The following SNX29 variants were observed in gnomAD, a reference collection of about 807,000 sequenced individuals.
The protein encoded by SNX29 is sorting nexin-29.
SNX29 carries 78 observed loss-of-function variants against 102.1 expected under a neutral mutation model. The observed-to-expected ratio is 0.76, with a 90% CI of 0.64 to 0.92. SNX29 has a LOEUF of 0.92. SNX29 is among the 40% of genes least tolerant of loss of function. The probability of loss-of-function intolerance (pLI) is 0.00; values close to 1 mark genes in which losing one functional copy is unlikely to be tolerated. For missense variants in SNX29, 1,280 were observed against 1,061.7 expected, an observed-to-expected ratio of 1.21 and a Z score of -2.86; for synonymous variants, 580 against 414.5, an observed-to-expected ratio of 1.40 and a Z score of -4.85.
chr16:12,300,649 T>C (rs2080139111), intron 15 of SNX29, among the ~76,000 whole-genome samples: 1 of 152,212 alleles, frequency 6.6e-6, no homozygotes, highest in Non-Finnish European at 1.5e-5. Flanking sequence ...AAAAACCAGA[T>C]GCATACTTGT....
intron 11 of SNX29, among the ~76,000 whole-genome samples, chr16:12,121,964 C>T (rs1378468884): frequency 6.6e-6 from 1 of 152,080 alleles, no homozygotes; most frequent in African/African-American, 2.4e-5. Flanking sequence ...TACAGGCACG[C>T]ACCATCACGC....
At chr16:12,276,670 T>C (rs2079261748) in intron 14 of SNX29, among the ~76,000 whole-genome samples, 1 of 152,210 alleles carries the variant, frequency 6.6e-6, no homozygotes, top group African/African-American at 2.4e-5. Flanking sequence ...TAATCCACAT[T>C]CTTAAACATG....
At chr16:12,240,703 G>A (rs1023050041) in intron 14 of SNX29, among the ~76,000 whole-genome samples, 1 of 146,486 alleles carries the variant, frequency 6.8e-6, no homozygotes, top group Non-Finnish European at 1.5e-5. Context: ...AGGTTCAGGT[G>A]ATCCTCCCTC....
intron 11 of SNX29, among the ~76,000 whole-genome samples, chr16:12,094,250 C>G (rs1414358224): frequency 6.6e-6 from 1 of 152,074 alleles, no homozygotes; most frequent in Non-Finnish European, 1.5e-5. Context: ...GTGTTATATG[C>G]TATGTAAATT....
At chr16:12,489,495 T>C (rs1024259432) in intron 19 of SNX29, among the ~76,000 whole-genome samples, 1 of 152,148 alleles carries the variant, frequency 6.6e-6, no homozygotes, top group African/African-American at 2.4e-5. Context: ...CCTCCCACAC[T>C]GGCTGTGTGA....
intron 15 of SNX29, among the ~76,000 whole-genome samples, chr16:12,343,436 C>G (rs1258566322): frequency 6.6e-6 from 1 of 152,226 alleles, no homozygotes; most frequent in African/African-American, 2.4e-5. Flanking sequence ...ACATCTTAAC[C>G]ATGTTTAAAA....
intron 20 of SNX29, among the ~76,000 whole-genome samples, chr16:12,563,331 G>A (rs1045442385): frequency 4.7e-4 from 72 of 152,322 alleles, no homozygotes; most frequent in South Asian, 8.3e-4. Context: ...AGTCACCGTC[G>A]AGGAGTGGCC....
At chr16:12,274,717 T>C (rs1335176634) in intron 14 of SNX29, among the ~76,000 whole-genome samples, 1 of 152,138 alleles carries the variant, frequency 6.6e-6, no homozygotes, top group East Asian at 1.9e-4. Context: ...TTGTGGTTTT[T>C]GCAGAGGTGG....
In SNX29 at chr16:12,068,558, A is replaced by T. The variant is rs564056348; in HGVS notation, c.1244-499A>T. Reference sequence around the variant, plus strand: ...GGAAGTATAGGGCTTTTAAAAAAAAATTTTTAATGGAGCTTCGCTCTTGTT... The same window carrying T: ...GGAAGTATAGGGCTTTTAAAAAAAATTTTTTAATGGAGCTTCGCTCTTGTT... On this transcript the variant is annotated intron_variant, in intron 9 of 20. Coordinates refer to ENST00000566228, the MANE Select transcript of SNX29 (RefSeq NM_032167.5). 2.1e-4 allele frequency among the ~76,000 whole-genome samples: 32 copies of T among 151,810 alleles called. No individual in the cohort carries two copies. The East Asian group carries it at 2.7e-3, about 13-fold the overall frequency.
chr16:12,031,524 T>C (rs778392434), intron 4 of SNX29, among the ~76,000 whole-genome samples: 1 of 150,400 alleles, frequency 6.6e-6, no homozygotes, highest in African/African-American at 2.4e-5. Flanking sequence ...AAAAAAAATA[T>C]GGCCGGGCGT....
intron 11 of SNX29, among the ~76,000 whole-genome samples, chr16:12,121,071 C>T (rs2053951767): frequency 6.6e-6 from 1 of 152,230 alleles, no homozygotes; most frequent in Non-Finnish European, 1.5e-5. Flanking sequence ...ATTTGTTTAT[C>T]AATTCACTTA....
At chr16:12,053,520 C>G (rs1325568791) in intron 8 of SNX29, among the ~76,000 whole-genome samples, 1 of 152,050 alleles carries the variant, frequency 6.6e-6, no homozygotes, top group Non-Finnish European at 1.5e-5. Flanking sequence ...CACAGCAAGA[C>G]TCTGTCTCTA....
At chr16:12,397,671 T>C (rs1348587587) in intron 16 of SNX29, among the ~76,000 whole-genome samples, 1 of 152,164 alleles carries the variant, frequency 6.6e-6, no homozygotes, top group Non-Finnish European at 1.5e-5. Flanking sequence ...GAGAAAAATA[T>C]CAACATTTAT....
intron 1 of SNX29, among the ~76,000 whole-genome samples, chr16:11,996,142 A>G (rs923958428): frequency 4.0e-5 from 6 of 151,458 alleles, no homozygotes; most frequent in Non-Finnish European, 7.4e-5. Flanking sequence ...GGTGGCTCAC[A>G]CCTATTATCC....
At position 12,568,909 on chromosome 16, in the gene SNX29, C is replaced by A; in HGVS notation, c.*280C>A. 1 of 471,316 alleles carries A rather than the reference C, an allele frequency of 2.1e-6. No homozygotes were observed. 29.2% of individuals were successfully genotyped at this position (471,316 alleles called of 1,614,324 possible). A position where few individuals can be genotyped will look rare whatever the true frequency, so the allele number is the denominator to read the frequency against. ...ACCCTGGGCTGCAAGGGCTGTTCCT[C>A]CACCTTTCTGTAGTTCAGGGCTGGC... is the stretch of plus-strand genomic sequence containing the variant. On this transcript the variant is annotated 3_prime_UTR_variant, in exon 21 of 21. Coordinates refer to ENST00000566228, the MANE Select transcript of SNX29 (RefSeq NM_032167.5).
chr16:12,525,307 CCTT>C (rs1176003205), intron 20 of SNX29, among the ~76,000 whole-genome samples: 7 of 151,146 alleles, frequency 4.6e-5, no homozygotes, highest in African/African-American at 9.8e-5. Context: ...TATTTAAATG[CCTT>C]CTTCTCTCTT....
intron 16 of SNX29, among the ~76,000 whole-genome samples, chr16:12,376,581 C>T (rs1398686188): frequency 1.3e-5 from 2 of 151,698 alleles, no homozygotes; most frequent in Non-Finnish European, 2.9e-5. Flanking sequence ...ACTAAAAATA[C>T]AAAAATTAGC....
At chr16:12,157,248 CT>C (rs2055591240) in intron 13 of SNX29, among the ~76,000 whole-genome samples, 1 of 152,168 alleles carries the variant, frequency 6.6e-6, no homozygotes, top group African/African-American at 2.4e-5. Flanking sequence ...CTCCACCCTG[CT>C]TCCACACTAT....
intron 13 of SNX29, among the ~76,000 whole-genome samples, chr16:12,180,821 T>C (rs2076366894): frequency 6.6e-6 from 1 of 152,164 alleles, no homozygotes; most frequent in Non-Finnish European, 1.5e-5. Context: ...GAAGTGAAAC[T>C]TTAGGAGAGA....
Sources: allele counts gnomAD v4.1 joint callset (sites outside exome capture counted in the v4.1 genomes callset), GRCh38; gene constraint gnomAD v4.1.1; transcripts MANE v1.5; gene names NCBI Gene and HGNC (gene_info 2026-07-23, HGNC 2026-07-21).